Variants in PRXL2A observed in about 807,000 individuals in gnomAD.
PRXL2A encodes the protein peroxiredoxin like 2A, also known as peroxiredoxin-like 2A.
PRXL2A carries 26 observed loss-of-function variants against 25.6 expected under a neutral mutation model. The observed-to-expected ratio is 1.02, with a 90% CI of 0.74 to 1.41. PRXL2A has a LOEUF of 1.41. PRXL2A is among the 40% of genes most tolerant of loss of function. The pLI is 0.00. For synonymous variants in PRXL2A, 98 were observed against 102.9 expected (o/e 0.95, Z 0.29); for missense variants, 246 against 273.9 (o/e 0.90, Z 0.72).
rs1564696696 is a variant in PRXL2A at position 80,432,003 on chromosome 10, C to G, written c.594C>G (p.His198Gln). 5 of 1,610,702 alleles carry G rather than the reference C, an allele frequency of 3.1e-6. No individual in the cohort carries two copies. In the Admixed American group the frequency reaches 8.5e-5, roughly 27 times the overall value. ...GSGKQGILLEHREKEFGDKVN... is the reference protein window; with the variant it reads ...GSGKQGILLEQREKEFGDKVN... ...CCTTTTAGGGCATTCTTCTTGAGCA[C>G]CGAGAAAAAGAATTTGGAGACAAAG... Residue 198 changes from histidine to glutamine, a missense_variant, in exon 6 of 6, where the codon CAC becomes CAG. Physicochemically the swap from His to Gln is conservative, Grantham distance 24. Transcript: ENST00000606162.
chr10:80,429,694 C>G (rs1310921358), intron 5 of PRXL2A, among the ~76,000 whole-genome samples: 1 of 151,522 alleles, frequency 6.6e-6, no homozygotes, highest in African/African-American at 2.4e-5. Flanking sequence ...TGCCCTGCCC[C>G]TAGCCTCTCC....
At chr10:80,411,465 T>C (rs1844474648) in intron 1 of PRXL2A, among the ~76,000 whole-genome samples, 1 of 152,184 alleles carries the variant, frequency 6.6e-6, no homozygotes, top group Admixed American at 6.5e-5. Flanking sequence ...TATTCCAGCC[T>C]TAGAGGCCAC....
Position 80,426,124 on chromosome 10 carries a change from G to A in PRXL2A, c.411+118G>A, listed in dbSNP as rs532937208. On this transcript the variant is annotated intron_variant, in intron 4 of 5. Coordinates refer to ENST00000606162, the MANE Select transcript of PRXL2A (RefSeq NM_032333.5). ...CTGGAGGCTGGCCTTCCCTTCAGCT[G>A]TCCTGAACTTGCAAGGCCTTTTTCA... 55 of 1,309,048 alleles carry A rather than the reference G, an allele frequency of 4.2e-5. No homozygotes were observed. The South Asian group carries it at 7.0e-4, about 17-fold the overall frequency. The allele number at this position is 1,309,048 out of a possible 1,614,324, so 81.1% of individuals were successfully genotyped here.
intron 1 of PRXL2A, among the ~76,000 whole-genome samples, chr10:80,414,628 G>T (rs979809912): frequency 6.6e-6 from 1 of 152,342 alleles, no homozygotes; most frequent in African/African-American, 2.4e-5. Flanking sequence ...GGCGAGGAAA[G>T]GTAGTCTTTC....
Position 80,424,219 on chromosome 10 carries a change from G to A in PRXL2A, c.271-1647G>A, listed in dbSNP as rs553431522. On this transcript the variant is annotated intron_variant, in intron 3 of 5. Transcript: ENST00000606162. The stretch of plus-strand genomic sequence containing the variant: ...AGGAGGTATGTGACTCAGTTTCCAC[G>A]TCATGGCTTTGTATAGTGCCACACC... Among the ~76,000 whole-genome samples the A allele has an allele frequency of 7.2e-4, 109 of 152,020 alleles. 1 individual carries two copies. Among genetic ancestry groups the A allele is most frequent in the Admixed American group, 5.9e-4 (9 of 15,256 alleles).
intron 1 of PRXL2A, among the ~76,000 whole-genome samples, chr10:80,417,504 A>G (rs1183695680): frequency 6.6e-6 from 1 of 152,120 alleles, no homozygotes; most frequent in Non-Finnish European, 1.5e-5. Flanking sequence ...TTTACAGGAG[A>G]AGCAAGGCTA....
chr10:80,426,978 A>G (rs1336098705), intron 4 of PRXL2A, among the ~76,000 whole-genome samples: 4 of 152,112 alleles, frequency 2.6e-5, no homozygotes, highest in African/African-American at 9.7e-5. Context: ...ACCTGTCTCT[A>G]CTAAAAATTC....
At chr10:80,430,793 G>A (rs1244870065) in intron 5 of PRXL2A, among the ~76,000 whole-genome samples, 1 of 152,136 alleles carries the variant, frequency 6.6e-6, no homozygotes, top group Non-Finnish European at 1.5e-5. Context: ...GTTTTGCTTT[G>A]CTCTAGAAAA....
At chr10:80,408,133 G>A (rs34571827), upstream of PRXL2A, among the ~76,000 whole-genome samples, 2 of 150,572 alleles carry the variant, frequency 1.3e-5, no homozygotes, top group African/African-American at 2.5e-5. Flanking sequence ...CTCATCGAAT[G>A]TGTCGGTCCT....
chr10:80,421,811 A>C (rs1167875880), intron 2 of PRXL2A, among the ~76,000 whole-genome samples: 2 of 152,188 alleles, frequency 1.3e-5, no homozygotes, highest in African/African-American at 4.8e-5. Context: ...CTGTGGCCCA[A>C]AGTGGAGCTA....
chr10:80,430,317 G>T (rs1172503704), intron 5 of PRXL2A, among the ~76,000 whole-genome samples: 2 of 152,034 alleles, frequency 1.3e-5, no homozygotes, highest in Non-Finnish European at 1.5e-5. Context: ...GGCCAGACTG[G>T]TCTCAAACTC....
intron 1 of PRXL2A, among the ~76,000 whole-genome samples, chr10:80,411,069 C>T (rs574762505): frequency 2.0e-5 from 3 of 152,274 alleles, no homozygotes; most frequent in East Asian, 3.9e-4. Flanking sequence ...GAGACTGAGG[C>T]AGGTAGGTGA....
At chr10:80,409,854 A>C (rs1247860508) in intron 1 of PRXL2A, among the ~76,000 whole-genome samples, 1 of 152,220 alleles carries the variant, frequency 6.6e-6, no homozygotes, top group African/African-American at 2.4e-5. Context: ...GTAGAAGGTA[A>C]TTAAGGAAGC....
intron 1 of PRXL2A, among the ~76,000 whole-genome samples, chr10:80,408,848 C>T (rs962191636): frequency 6.6e-5 from 10 of 152,306 alleles, no homozygotes; most frequent in African/African-American, 2.4e-4. Flanking sequence ...CTTCCGCCAC[C>T]CTGCGTGGCG....
rs752526002 is a variant in PRXL2A, at chr10:80,422,536, G to C, written c.270+28G>C. 1.9e-6 allele frequency: 3 copies of C among 1,583,550 alleles called. No individual in the cohort carries two copies. In the African/African-American group the frequency reaches 4.0e-5, roughly 21 times the overall value. On this transcript the variant is annotated intron_variant, in intron 3 of 5. Transcript: ENST00000606162. Reference sequence around the variant, plus strand: ...GAGTGCAGATGAGGATCTATTCAGAGAAAGGGATCCTGGCAAGTAGGGGCC... The same window carrying C: ...GAGTGCAGATGAGGATCTATTCAGACAAAGGGATCCTGGCAAGTAGGGGCC...
At chr10:80,430,709 G>T (rs1172480019) in intron 5 of PRXL2A, among the ~76,000 whole-genome samples, 1 of 152,128 alleles carries the variant, frequency 6.6e-6, no homozygotes, top group Non-Finnish European at 1.5e-5. Flanking sequence ...AACATAGAAG[G>T]TGGGGAAAAC....
chr10:80,431,959 C>T (rs745656276), intron 5 of PRXL2A, 27 bp from the exon 6 acceptor site: 5 of 1,513,820 alleles, frequency 3.3e-6, no homozygotes, highest in Non-Finnish European at 3.7e-6. Flanking sequence ...AGGATGAGGA[C>T]TGACATTATC....
intron 1 of PRXL2A, chr10:80,413,879 G>A (rs760801612): frequency 4.8e-6 from 6 of 1,247,114 alleles, no homozygotes; most frequent in Non-Finnish European, 6.2e-6. Flanking sequence ...TGTGTATGGT[G>A]AGTGCCTTGT....
At chr10:80,426,634 C>T (rs1845050976) in intron 4 of PRXL2A, among the ~76,000 whole-genome samples, 1 of 152,180 alleles carries the variant, frequency 6.6e-6, no homozygotes, top group South Asian at 2.1e-4. Flanking sequence ...TGTTGGGGGC[C>T]TAGTACAAAG....
Sources: allele counts gnomAD v4.1 joint callset (sites outside exome capture counted in the v4.1 genomes callset), GRCh38; gene constraint gnomAD v4.1.1; transcripts MANE v1.5; gene names NCBI Gene and HGNC (gene_info 2026-07-23, HGNC 2026-07-21).